The following PTPRM variants were observed in gnomAD, a reference collection of about 807,000 sequenced individuals.
PTPRM encodes receptor-type tyrosine-protein phosphatase mu.
Under a neutral mutation model 186.7 loss-of-function variants are expected in PTPRM, and 47 were observed. The ratio of observed to expected loss-of-function variants is 0.25; its 90% CI spans 0.20 to 0.32. The LOEUF (loss-of-function observed/expected upper bound fraction) is 0.32, where lower values mean the gene tolerates loss of function less well. Among genes scored for constraint, PTPRM ranks in the 10% least tolerant of loss-of-function variants. The pLI is 1.00. For synonymous variants in PTPRM, 668 were observed against 674.9 expected, an observed-to-expected ratio of 0.99 and a Z score of 0.16; for missense variants, 1,494 against 1,865.0, an observed-to-expected ratio of 0.80 and a Z score of 3.66.
At chr18:7,840,911 G>T (rs1334797967) in intron 2 of PTPRM, among the ~76,000 whole-genome samples, 1 of 152,296 alleles carries the variant, frequency 6.6e-6, no homozygotes, top group East Asian at 1.9e-4. Flanking sequence ...TGTAAGACAG[G>T]CTTCACTTAT....
rs76413490 is a variant in PTPRM, at chr18:8,183,425, G to A, written c.2300+39646G>A. 9.2e-3 allele frequency among the ~76,000 whole-genome samples: 1,399 copies of A among 152,302 alleles called. 6 individuals carry two copies. The highest frequency in any genetic ancestry group is 0.016 in the Non-Finnish European group (1,103 of 68,036). Reference sequence around the variant, plus strand: ...CAGGAAAGCGGTGAACTTGTGATGCGATGACATAAAGGAAGAGAAGCTAAT... The same window carrying A: ...CAGGAAAGCGGTGAACTTGTGATGCAATGACATAAAGGAAGAGAAGCTAAT... On this transcript the variant is annotated intron_variant, in intron 14 of 32. Transcript: ENST00000580170.
Position 7,906,549 on chromosome 18 carries a change from T to A in PTPRM, c.513T>A (p.Ala171=). ...VITSGHQGYL[A]IDEVKVLGHP... ...CTTCTGGACATCAAGGCTATCTCGC[T>A]ATCGATGAGGTGAAGGTGTTAGGAC... Residue 171 remains alanine, a synonymous_variant, in exon 4 of 33, where the codon GCT becomes GCA. Coordinates refer to ENST00000580170, the MANE Select transcript of PTPRM (RefSeq NM_001105244.2). 1 of 1,613,716 alleles carries A rather than the reference T, an allele frequency of 6.2e-7. No homozygotes were observed. The highest frequency in any genetic ancestry group is 1.1e-5 in the South Asian group (1 of 91,072).
At chr18:8,032,309 A>G (rs2086031272) in intron 7 of PTPRM, among the ~76,000 whole-genome samples, 1 of 152,154 alleles carries the variant, frequency 6.6e-6, no homozygotes, top group African/African-American at 2.4e-5. Context: ...GAAATAAATT[A>G]TTATATATAA....
chr18:8,330,684 GTC>G (rs2095407547), intron 22 of PTPRM, among the ~76,000 whole-genome samples: 1 of 145,742 alleles, frequency 6.9e-6, no homozygotes, highest in Admixed American at 6.9e-5. Flanking sequence ...CTTGATTGCC[GTC>G]TCTCTGTTCC....
chr18:8,396,156 A>G (rs1653353762), intron 32 of PTPRM, among the ~76,000 whole-genome samples: 2 of 152,224 alleles, frequency 1.3e-5, no homozygotes, highest in Non-Finnish European at 1.5e-5. Flanking sequence ...TTCTACCGCC[A>G]TGGAATTCCC....
chr18:8,021,355 C>G (rs868723315), intron 7 of PTPRM, among the ~76,000 whole-genome samples: 3 of 128,174 alleles, frequency 2.3e-5, no homozygotes, highest in Non-Finnish European at 5.0e-5. Flanking sequence ...CACACACACA[C>G]ACACATATAA....
intron 14 of PTPRM, among the ~76,000 whole-genome samples, chr18:8,224,076 A>G (rs1445868542): frequency 2.0e-5 from 3 of 152,176 alleles, no homozygotes; most frequent in African/African-American, 7.2e-5. Context: ...AGTTGCCAGC[A>G]CTTTTGGCTA....
intron 7 of PTPRM, among the ~76,000 whole-genome samples, chr18:8,016,751 G>A (rs1421476212): frequency 6.6e-6 from 1 of 152,100 alleles, no homozygotes; most frequent in African/African-American, 2.4e-5. Flanking sequence ...TAACATTGCT[G>A]TTGATTTAAT....
chr18:7,881,462 CCTATTA>C (rs1464242502), intron 2 of PTPRM, among the ~76,000 whole-genome samples: 1 of 152,146 alleles, frequency 6.6e-6, no homozygotes, highest in African/African-American at 2.4e-5. Flanking sequence ...GGAAGTACAA[CCTATTA>C]TTTCGTACTG....
intron 17 of PTPRM, chr18:8,251,876 C>G (rs573357696): frequency 6.6e-6 from 1 of 152,316 alleles, no homozygotes; most frequent in Non-Finnish European, 1.5e-5. Context: ...TTGAATATAT[C>G]TTTTATATGT....
chr18:8,066,336 T>C (rs1310838230), intron 7 of PTPRM, among the ~76,000 whole-genome samples: 8 of 152,182 alleles, frequency 5.3e-5, no homozygotes, highest in Non-Finnish European at 1.0e-4. Context: ...TATGTTATTG[T>C]ATGTATCTGC....
At chr18:8,134,123 G>A (rs950866536) in intron 13 of PTPRM, among the ~76,000 whole-genome samples, 1 of 152,082 alleles carries the variant, frequency 6.6e-6, no homozygotes, top group Non-Finnish European at 1.5e-5. Flanking sequence ...TCATTTACTT[G>A]CTCTTTTACT....
chr18:8,362,875 C>G (rs1187184797), intron 23 of PTPRM, among the ~76,000 whole-genome samples: 1 of 152,212 alleles, frequency 6.6e-6, no homozygotes, highest in Non-Finnish European at 1.5e-5. Flanking sequence ...CAAAGTCACA[C>G]AGCTAATAAA....
In PTPRM at chr18:8,172,873, C is replaced by T. The variant is rs191606915; in HGVS notation, c.2300+29094C>T. 1.6e-3 allele frequency among the ~76,000 whole-genome samples: 246 copies of T among 152,212 alleles called. 1 individual carries two copies. Among genetic ancestry groups the T allele is most frequent in the African/African-American group, 5.6e-3 (231 of 41,524 alleles). ...GTCCCAGATGAACTAACTCACCTGG[C>T]ACTGTAATTAATTGTACCAGAGTAT... On this transcript the variant is annotated intron_variant, in intron 14 of 32. Coordinates refer to ENST00000580170, the MANE Select transcript of PTPRM (RefSeq NM_001105244.2).
At chr18:8,404,447 C>T (rs1279026957) in intron 32 of PTPRM, 2 of 152,196 alleles carry the variant, frequency 1.3e-5, no homozygotes, top group African/African-American at 4.8e-5. Context: ...ATGTAGCCGA[C>T]TTTGACTCTC....
At position 8,378,235 on chromosome 18, in the gene PTPRM, G is replaced by T. The variant is rs961490394; in HGVS notation, c.3463-30G>T. On this transcript the variant is annotated intron_variant, in intron 26 of 32. Coordinates refer to ENST00000580170, the MANE Select transcript of PTPRM (RefSeq NM_001105244.2). Reference sequence around the variant, plus strand: ...TTTCCTCCTTCTCTGGTTCTCTAAAGTTAGTAACTCGTTCCATCTCCTTCT... The same window carrying T: ...TTTCCTCCTTCTCTGGTTCTCTAAATTTAGTAACTCGTTCCATCTCCTTCT... 1.9e-6 allele frequency: 3 copies of T among 1,583,584 alleles called. No homozygotes were observed. The African/African-American group carries it at 4.1e-5, about 21-fold the overall frequency.
chr18:7,858,427 G>A (rs895731451), intron 2 of PTPRM, among the ~76,000 whole-genome samples: 6 of 152,090 alleles, frequency 3.9e-5, no homozygotes, highest in African/African-American at 1.4e-4. Context: ...AGGCATCATG[G>A]CTTGCCTTCA....
chr18:8,304,464 G>A (rs995972329), intron 20 of PTPRM, among the ~76,000 whole-genome samples: 1 of 152,046 alleles, frequency 6.6e-6, no homozygotes, highest in Admixed American at 6.6e-5. Flanking sequence ...AAAAATATCT[G>A]CTTTTCTCTG....
chr18:7,576,281 A>G (rs1251596678), intron 1 of PTPRM, among the ~76,000 whole-genome samples: 1 of 152,188 alleles, frequency 6.6e-6, no homozygotes, highest in Non-Finnish European at 1.5e-5. Flanking sequence ...TTTCTATTCA[A>G]TATGCAGAAA....
Sources: gnomAD v4.1 joint callset for allele counts (sites outside exome capture counted in the v4.1 genomes callset) on GRCh38, gnomAD v4.1.1 for gene constraint, MANE v1.5 for transcripts, NCBI Gene and HGNC (gene_info 2026-07-23, HGNC 2026-07-21) for gene names.